The following AMZ1 variants were observed in gnomAD, a reference collection of about 807,000 sequenced individuals.
The protein encoded by AMZ1 is archaelysin family metallopeptidase 1.
AMZ1 carries 39 observed loss-of-function variants against 29.9 expected under a neutral mutation model. That is an observed-to-expected ratio of 1.30 (90% CI 1.01 to 1.70). AMZ1 has a LOEUF of 1.70. Ranked by LOEUF, AMZ1 falls within the 40% of genes most tolerant of loss-of-function variation. The probability of loss-of-function intolerance (pLI) is 0.00; values close to 1 mark genes in which losing one functional copy is unlikely to be tolerated. For synonymous variants in AMZ1, 458 were observed against 304.0 expected (o/e 1.51, Z -5.27); for missense variants, 1,041 against 680.6 (o/e 1.53, Z -5.89).
chr7:2,685,710 A>G (rs974635615), upstream of AMZ1, among the ~76,000 whole-genome samples: 9 of 149,416 alleles, frequency 6.0e-5, no homozygotes, highest in Admixed American at 4.0e-4. Context: ...AAAATTAGCT[A>G]GGCATGATGG....
Position 2,712,865 on chromosome 7 carries a change from G to C in AMZ1, c.1484G>C (p.Gly495Ala). The C allele has an allele frequency of 2.0e-6, 3 of 1,523,360 alleles. No individual in the cohort carries two copies. The highest frequency in any genetic ancestry group is 2.3e-5 in the East Asian group (1 of 44,012). 94.4% of individuals were successfully genotyped at this position (1,523,360 alleles called of 1,614,324 possible). A position where few individuals can be genotyped will look rare whatever the true frequency, so the allele number is the denominator to read the frequency against. Residue 495 changes from glycine to alanine, a missense_variant, in exon 7 of 7, where the codon GGG (glycine) becomes GCG (alanine). Coordinates refer to ENST00000683327, the MANE Select transcript of AMZ1 (RefSeq NM_001384743.1). ...GAGTCGGCCCCCCGTCCCTGGGATG[G>C]GGAAGAGAGTTAGTACAGCAGGGGC... ...RAESAPRPWD[G>A]EES
At chr7:2,685,190 G>A (rs1308174077), upstream of AMZ1, among the ~76,000 whole-genome samples, 3 of 151,836 alleles carry the variant, frequency 2.0e-5, no homozygotes, top group Non-Finnish European at 4.4e-5. Flanking sequence ...TTCCTTTCCG[G>A]TGGCTATTCA....
intron 1 of AMZ1, among the ~76,000 whole-genome samples, chr7:2,698,903 C>G (rs946965745): frequency 6.6e-6 from 1 of 152,168 alleles, no homozygotes; most frequent in Non-Finnish European, 1.5e-5. Context: ...ATAGCTGTTT[C>G]TGGTTTTCCG....
intron 2 of AMZ1, 34 bp from the exon 3 acceptor site, chr7:2,702,688 C>A: frequency 6.7e-7 from 1 of 1,495,298 alleles, no homozygotes; most frequent in Non-Finnish European, 8.9e-7. Context: ...CGGGCAGGGG[C>A]GTCGCAGGGC....
chr7:2,750,300 C>G (rs1020902978), intron 4 of AMZ1, among the ~76,000 whole-genome samples: 2 of 152,196 alleles, frequency 1.3e-5, no homozygotes, highest in Non-Finnish European at 2.9e-5. Flanking sequence ...CAGAGGCAGA[C>G]AGGCAAATGC....
intron 4 of AMZ1, among the ~76,000 whole-genome samples, chr7:2,742,210 C>A (rs75337540): frequency 6.6e-6 from 1 of 151,936 alleles, no homozygotes; most frequent in African/African-American, 2.4e-5. Context: ...TTACTACAGA[C>A]AGGGTTTTGC....
upstream of AMZ1, chr7:2,762,794 G>A (rs1459762383): frequency 2.0e-5 from 30 of 1,536,950 alleles, no homozygotes; most frequent in Non-Finnish European, 2.5e-5. Flanking sequence ...AAAGGGAGGA[G>A]GAGCACTCAG....
At chr7:2,709,839 C>G (rs1181631787) in intron 6 of AMZ1, 23 bp downstream of exon 6, 2 of 1,609,124 alleles carry the variant, frequency 1.2e-6, no homozygotes, top group Non-Finnish European at 1.7e-6. Flanking sequence ...GTTGCGCTGC[C>G]CGGCTGCTGG....
intron 1 of AMZ1, among the ~76,000 whole-genome samples, chr7:2,692,966 C>T (rs73045097): frequency 0.023 from 3,489 of 152,288 alleles, 39 homozygotes; most frequent in Non-Finnish European, 0.032. Context: ...CTGTCTGGGA[C>T]GGTCTGCCCC....
rs569718931 is a variant in AMZ1, at chr7:2,696,532, C to T, written c.-218-3702C>T. The stretch of plus-strand genomic sequence containing the variant: ...TGGGCCTCCCAAAGTGCTGTGATTA[C>T]AGGCGTGAGCCACCGCACCTGGCCA... On this transcript the variant is annotated intron_variant, in intron 1 of 6. Transcript: ENST00000683327. Among the ~76,000 whole-genome samples, 85 of 149,770 alleles carry T rather than the reference C, an allele frequency of 5.7e-4. 2 individuals are homozygous for T. The South Asian group carries it at 0.019, about 33-fold the overall frequency.
rs1158817269 is a variant in AMZ1, at chr7:2,731,283, G to A, written n.550+21467G>A. 3 of 1,612,644 alleles carry A rather than the reference G, an allele frequency of 1.9e-6. No homozygotes were observed. Among genetic ancestry groups the A allele is most frequent in the African/African-American group, 1.3e-5 (1 of 74,512 alleles). ...CGGTGTCGATGGCGGTGGTGAAGTG[G>A]TGGAAGAGTGGCTTGCTGCGGTTCC... On this transcript the variant is annotated intron_variant and non_coding_transcript_variant, in intron 4 of 4. Coordinates refer to the AMZ1 transcript ENST00000489665. This position sits in a 1 kb window ranked among gnomAD's most constrained non-coding sequence, Gnocchi z 6.0.
rs189359607 is a variant in AMZ1, at chr7:2,705,534, C to T, written c.472+2645C>T. Among the ~76,000 whole-genome samples the T allele has an allele frequency of 2.0e-4, 31 of 152,322 alleles. No individual in the cohort carries two copies. The South Asian group carries it at 3.1e-3, about 15-fold the overall frequency. On this transcript the variant is annotated intron_variant, in intron 3 of 6. Coordinates refer to ENST00000683327, the MANE Select transcript of AMZ1 (RefSeq NM_001384743.1). ...GGCCACCAAACCTTTCTCCTTAATCCACTCCTCCCCATCGTGGGTGTTGGA... is the reference window on the plus strand; with the variant it reads ...GGCCACCAAACCTTTCTCCTTAATCTACTCCTCCCCATCGTGGGTGTTGGA...
chr7:2,694,425 G>T (rs1204837671), intron 1 of AMZ1, among the ~76,000 whole-genome samples: 1 of 152,142 alleles, frequency 6.6e-6, no homozygotes, highest in Non-Finnish European at 1.5e-5. Context: ...GGACTTCTCA[G>T]CTTCTGAGGC....
upstream of AMZ1, among the ~76,000 whole-genome samples, chr7:2,688,011 C>A (rs575949243): frequency 2.8e-3 from 426 of 152,308 alleles, 5 homozygotes; most frequent in African/African-American, 1.0e-2. Flanking sequence ...CTCTGGGGCC[C>A]CCCTGCCCGG....
chr7:2,708,189 G>C (rs1032594216), intron 3 of AMZ1, among the ~76,000 whole-genome samples: 4 of 152,182 alleles, frequency 2.6e-5, no homozygotes, highest in Non-Finnish European at 1.5e-5. Context: ...TCCATCCCAA[G>C]ATCTTTAATC....
At chr7:2,690,005 T>C (rs1787290013) in intron 1 of AMZ1, among the ~76,000 whole-genome samples, 1 of 152,156 alleles carries the variant, frequency 6.6e-6, no homozygotes, top group African/African-American at 2.4e-5. Context: ...GACCGGGGTT[T>C]TCCTGAATGA....
At chr7:2,749,567 C>T (rs940713438) in intron 4 of AMZ1, among the ~76,000 whole-genome samples, 1 of 151,580 alleles carries the variant, frequency 6.6e-6, no homozygotes, top group South Asian at 2.1e-4. Flanking sequence ...TGCTAAATGA[C>T]GAGTTAATGG....
chr7:2,707,596 G>A (rs1181209853), intron 3 of AMZ1, among the ~76,000 whole-genome samples: 1 of 152,060 alleles, frequency 6.6e-6, no homozygotes, highest in Non-Finnish European at 1.5e-5. Context: ...TAGCTTGGAT[G>A]ACCCACTGTG....
upstream of AMZ1, among the ~76,000 whole-genome samples, chr7:2,687,784 C>G (rs528978667): frequency 6.6e-6 from 1 of 152,142 alleles, no homozygotes; most frequent in Admixed American, 6.5e-5. Context: ...TGCCTGATAG[C>G]CTGGTTCACC....
Sources: gnomAD v4.1 joint callset for allele counts (sites outside exome capture counted in the v4.1 genomes callset) on GRCh38, gnomAD v4.1.1 for gene constraint, Gnocchi (gnomAD v3.1) non-coding constraint, MANE v1.5 for transcripts, NCBI Gene and HGNC (gene_info 2026-07-23, HGNC 2026-07-21) for gene names.